Variants in CCDC138 observed in about 807,000 individuals in gnomAD.
CCDC138 encodes the protein coiled-coil domain-containing protein 138.
CCDC138 carries 66 observed loss-of-function variants against 82.3 expected under a neutral mutation model. The ratio of observed to expected loss-of-function variants is 0.80; its 90% CI spans 0.66 to 0.98. The LOEUF is 0.98. CCDC138 is among the 50% of genes least tolerant of loss of function. The probability of loss-of-function intolerance (pLI) is 0.00; values close to 1 mark genes in which losing one functional copy is unlikely to be tolerated. For missense variants in CCDC138, 816 were observed against 758.9 expected, an observed-to-expected ratio of 1.08 and a Z score of -0.88; for synonymous variants, 297 against 265.4, an observed-to-expected ratio of 1.12 and a Z score of -1.16.
At chr2:108,868,323 G>C (rs1046938966) in intron 13 of CCDC138, among the ~76,000 whole-genome samples, 2 of 152,162 alleles carry the variant, frequency 1.3e-5, no homozygotes, top group African/African-American at 4.8e-5. Flanking sequence ...TTGTAGCTGA[G>C]ATTGGTTATG....
At chr2:108,813,783 C>T (rs973263018) in intron 9 of CCDC138, among the ~76,000 whole-genome samples, 96 of 152,268 alleles carry the variant, frequency 6.3e-4, no homozygotes, top group African/African-American at 2.2e-3. Context: ...CTCTAATACC[C>T]TTTCCTGGTC....
chr2:108,821,214 C>T (rs886304700), intron 10 of CCDC138, among the ~76,000 whole-genome samples: 1 of 152,024 alleles, frequency 6.6e-6, no homozygotes, highest in East Asian at 1.9e-4. Context: ...AAAAATTAGC[C>T]AGGCATGGTC....
intron 14 of CCDC138, among the ~76,000 whole-genome samples, chr2:108,874,666 C>A (rs936314227): frequency 6.6e-6 from 1 of 152,062 alleles, no homozygotes; most frequent in African/African-American, 2.4e-5. Flanking sequence ...ATTAAGAGAT[C>A]CATATGTTCT....
chr2:108,838,304 ACAT>A (rs1229545358), intron 10 of CCDC138, among the ~76,000 whole-genome samples: 3 of 152,322 alleles, frequency 2.0e-5, no homozygotes, highest in East Asian at 1.9e-4. Context: ...GACGTCCAAA[ACAT>A]CATAATATAC....
intron 13 of CCDC138, among the ~76,000 whole-genome samples, chr2:108,864,978 A>G (rs1694198099): frequency 6.6e-6 from 1 of 152,006 alleles, no homozygotes; most frequent in Admixed American, 6.6e-5. Flanking sequence ...AATAAATAGT[A>G]ACACATTCAC....
At chr2:108,829,156 A>G (rs975674201) in intron 10 of CCDC138, among the ~76,000 whole-genome samples, 34 of 152,210 alleles carry the variant, frequency 2.2e-4, no homozygotes, top group African/African-American at 8.0e-4. Flanking sequence ...CTTCATCAAA[A>G]TTAAAAATGT....
chr2:108,860,828 G>A (rs1693440960), intron 13 of CCDC138, among the ~76,000 whole-genome samples: 1 of 151,240 alleles, frequency 6.6e-6, no homozygotes, highest in African/African-American at 2.4e-5. Context: ...AATGAGTTAG[G>A]GAGGAGTCCC....
At chr2:108,866,719 C>G (rs1264540469) in intron 13 of CCDC138, among the ~76,000 whole-genome samples, 2 of 152,094 alleles carry the variant, frequency 1.3e-5, no homozygotes, top group African/African-American at 2.4e-5. Context: ...CCCGTCTCTA[C>G]TAAAAATACA....
At chr2:108,814,027 G>T (rs1010999706) in intron 9 of CCDC138, among the ~76,000 whole-genome samples, 3 of 152,106 alleles carry the variant, frequency 2.0e-5, no homozygotes, top group Non-Finnish European at 2.9e-5. Flanking sequence ...GTTTTTGTCT[G>T]CAATAAATAA....
At chr2:108,869,681 G>A (rs1694943395) in intron 13 of CCDC138, among the ~76,000 whole-genome samples, 2 of 151,974 alleles carry the variant, frequency 1.3e-5, no homozygotes. Context: ...GCAGCCAGAG[G>A]AAACAAGAAA....
At chr2:108,821,945 A>G (rs1685776683) in intron 10 of CCDC138, among the ~76,000 whole-genome samples, 1 of 151,398 alleles carries the variant, frequency 6.6e-6, no homozygotes, top group African/African-American at 2.4e-5. Context: ...AAAAAAAAAA[A>G]GTATGTCCTT....
chr2:108,820,298 C>T (rs563146415), intron 10 of CCDC138, among the ~76,000 whole-genome samples: 13 of 151,896 alleles, frequency 8.6e-5, no homozygotes, highest in South Asian at 2.1e-4. Context: ...GAGAAAAAAA[C>T]GAAGAAAAGT....
intron 5 of CCDC138, among the ~76,000 whole-genome samples, chr2:108,795,150 A>ATTTTTTTTTT (rs11458525): frequency 1.2e-4 from 10 of 85,010 alleles, no homozygotes; most frequent in Admixed American, 3.6e-4. Context: ...TCTAAAGTGT[A>ATTTTTTTTTT]TTTTTTTTTT....
At chr2:108,842,914 A>T (rs1346172743) in intron 11 of CCDC138, among the ~76,000 whole-genome samples, 1 of 152,210 alleles carries the variant, frequency 6.6e-6, no homozygotes, top group East Asian at 1.9e-4. Context: ...CAGAAGCTTT[A>T]CTTCCCTTTT....
At chr2:108,811,241 C>T (rs866300020) in intron 7 of CCDC138, among the ~76,000 whole-genome samples, 2 of 46,818 alleles carry the variant, frequency 4.3e-5, no homozygotes, top group Admixed American at 2.7e-4. Flanking sequence ...CTTTCTTTCT[C>T]TCTCTCTTTT....
At chr2:108,882,711 T>G (rs1696326716) in exon 2 of CCDC138, 1 of 152,262 alleles carries the variant, frequency 6.6e-6, no homozygotes, top group Non-Finnish European at 1.5e-5. Flanking sequence ...TGTCTCTTCA[T>G]TTTCTTCTCA....
chr2:108,851,935 C>T (rs1691581054), intron 12 of CCDC138, among the ~76,000 whole-genome samples: 1 of 152,126 alleles, frequency 6.6e-6, no homozygotes, highest in African/African-American at 2.4e-5. Flanking sequence ...ATAATTGTGC[C>T]AAAACGATAC....
rs746869997 is a variant in CCDC138, at chr2:108,805,008, G to A, written c.855G>A (p.Gln285=). 6.7e-7 allele frequency: 1 copy of A among 1,503,166 alleles called. No individual in the cohort carries two copies. Among genetic ancestry groups the A allele is most frequent in the South Asian group, 1.3e-5 (1 of 74,656 alleles). 93.1% of individuals were successfully genotyped at this position (1,503,166 alleles called of 1,614,324 possible). ...LKELNDTLKK[Q]LNEASEENRK... ...AATTGAATGATACCTTAAAAAAACA[G>A]GTAAGACCTGTTTTAATATATACTG... is the stretch of plus-strand genomic sequence containing the variant. The change falls in exon 7 of 15, where the codon CAG becomes CAA. Residue 285 remains glutamine, a splice_region_variant and synonymous_variant. Coordinates refer to ENST00000295124, the MANE Select transcript of CCDC138 (RefSeq NM_144978.3).
chr2:108,842,023 CTTGT>C (rs547469320), intron 11 of CCDC138, among the ~76,000 whole-genome samples: 22 of 151,670 alleles, frequency 1.5e-4, no homozygotes, highest in Non-Finnish European at 1.6e-4. Flanking sequence ...AAGGGTTTTT[CTTGT>C]TTGTTTGTTT....
Sources: allele counts gnomAD v4.1 joint callset (sites outside exome capture counted in the v4.1 genomes callset), GRCh38; gene constraint gnomAD v4.1.1; transcripts MANE v1.5; gene names NCBI Gene and HGNC (gene_info 2026-07-23, HGNC 2026-07-21).